The following GRID2 variants were observed in gnomAD, a reference collection of about 807,000 sequenced individuals.
GRID2 encodes glutamate receptor ionotropic, delta-2.
A neutral mutation model predicts 114.8 loss-of-function variants in GRID2; 33 were observed. The observed-to-expected ratio is 0.29, with a 90% CI of 0.22 to 0.38. GRID2 has a LOEUF of 0.38. Ranked by LOEUF, GRID2 falls within the 10% of genes least tolerant of loss-of-function variation. The pLI, the probability that GRID2 is intolerant of heterozygous loss-of-function variation, is 1.00. For synonymous variants in GRID2, 505 were observed against 449.9 expected, an observed-to-expected ratio of 1.12 and a Z score of -1.55; for missense variants, 1,184 against 1,257.7, an observed-to-expected ratio of 0.94 and a Z score of 0.89.
chr4:93,655,247 A>G (rs891114867), intron 14 of GRID2, among the ~76,000 whole-genome samples: 6 of 152,220 alleles, frequency 3.9e-5, no homozygotes, highest in African/African-American at 1.4e-4. Context: ...ATCAAAAGTA[A>G]ATTATAAAAT....
At chr4:93,667,780 A>C (rs1724075445) in intron 14 of GRID2, among the ~76,000 whole-genome samples, 1 of 152,068 alleles carries the variant, frequency 6.6e-6, no homozygotes, top group African/African-American at 2.4e-5. Context: ...AAAAGATGAG[A>C]TCAAGGAACT....
chr4:92,815,911 T>A, intron 2 of GRID2, among the ~76,000 whole-genome samples: 1 of 65,642 alleles, frequency 1.5e-5, no homozygotes, highest in Non-Finnish European at 2.5e-5. Context: ...CATGACCCTG[T>A]CTCAAAAAAA....
intron 2 of GRID2, among the ~76,000 whole-genome samples, chr4:92,706,030 G>A (rs2149305422): frequency 6.6e-6 from 1 of 152,288 alleles, no homozygotes; most frequent in East Asian, 1.9e-4. Flanking sequence ...TCATCAGCCT[G>A]CTGGCTTGCA....
chr4:93,374,588 T>G (rs1445913197), intron 8 of GRID2, among the ~76,000 whole-genome samples: 1 of 140,516 alleles, frequency 7.1e-6, no homozygotes, highest in Non-Finnish European at 1.5e-5. Flanking sequence ...AAGTATATAA[T>G]TTTAACAATT....
At chr4:92,796,097 C>T (rs550199433) in intron 2 of GRID2, among the ~76,000 whole-genome samples, 29 of 151,934 alleles carry the variant, frequency 1.9e-4, no homozygotes, top group Admixed American at 1.2e-3. Flanking sequence ...TAATCATTCC[C>T]GACTTCCATG....
chr4:93,450,851 T>G (rs1050751306), intron 10 of GRID2, among the ~76,000 whole-genome samples: 12 of 152,106 alleles, frequency 7.9e-5, no homozygotes, highest in African/African-American at 2.6e-4. Flanking sequence ...CCTAATTATC[T>G]TAGCTATTTG....
In GRID2 at chr4:93,341,552, G is replaced by A. The variant is rs114115205; in HGVS notation, c.1246-54055G>A. 5.0e-3 allele frequency among the ~76,000 whole-genome samples: 761 copies of A among 152,174 alleles called. 5 individuals carry two copies. The highest frequency in any genetic ancestry group is 0.017 in the African/African-American group (717 of 41,528). On this transcript the variant is annotated intron_variant, in intron 8 of 15. Coordinates refer to ENST00000282020, the MANE Select transcript of GRID2 (RefSeq NM_001510.4). ...TGGCCAGGGTGATCTCGAACTCCTG[G>A]CCTCAAGTGATCCACCCATTCTCAG...
At chr4:93,068,852 G>C (rs1728551797) in intron 2 of GRID2, among the ~76,000 whole-genome samples, 1 of 151,960 alleles carries the variant, frequency 6.6e-6, no homozygotes, top group Admixed American at 6.6e-5. Context: ...TTGGGTAATT[G>C]ATAGAGAAAA....
At chr4:93,555,219 T>C (rs1734197348) in intron 13 of GRID2, among the ~76,000 whole-genome samples, 1 of 152,124 alleles carries the variant, frequency 6.6e-6, no homozygotes, top group African/African-American at 2.4e-5. Context: ...AGGACTTTTT[T>C]TTCATACCCC....
chr4:92,801,057 C>A (rs1264091973), intron 2 of GRID2, among the ~76,000 whole-genome samples: 2 of 151,980 alleles, frequency 1.3e-5, no homozygotes, highest in Non-Finnish European at 2.9e-5. Context: ...TAGCACCTGG[C>A]TCATTGAGTA....
chr4:93,133,476 G>A (rs929905033), intron 4 of GRID2, among the ~76,000 whole-genome samples: 2 of 152,124 alleles, frequency 1.3e-5, no homozygotes, highest in African/African-American at 4.8e-5. Flanking sequence ...TTGGAAAGAT[G>A]AATCCTGTAA....
At chr4:92,726,725 C>T (rs1423160400) in intron 2 of GRID2, among the ~76,000 whole-genome samples, 5 of 152,020 alleles carry the variant, frequency 3.3e-5, no homozygotes, top group African/African-American at 4.8e-5. Context: ...GTTACTAAAG[C>T]AGTTAATCCA....
chr4:93,081,477 C>A (rs1729863227), intron 2 of GRID2, among the ~76,000 whole-genome samples: 1 of 152,010 alleles, frequency 6.6e-6, no homozygotes, highest in Non-Finnish European at 1.5e-5. Flanking sequence ...TGCAGAGTGA[C>A]CACAAAGGGC....
chr4:92,428,760 C>T (rs917934400), intron 1 of GRID2, among the ~76,000 whole-genome samples: 5 of 152,084 alleles, frequency 3.3e-5, no homozygotes, highest in African/African-American at 1.2e-4. Flanking sequence ...TTTATTATGC[C>T]ACTTCCATGA....
intron 8 of GRID2, among the ~76,000 whole-genome samples, chr4:93,357,191 C>T (rs1761419428): frequency 6.6e-6 from 1 of 151,412 alleles, no homozygotes; most frequent in South Asian, 2.1e-4. Flanking sequence ...CTTTTCTCAC[C>T]TATCAAACTA....
intron 1 of GRID2, among the ~76,000 whole-genome samples, chr4:93,790,072 C>G (rs1450563995): frequency 6.8e-6 from 1 of 146,806 alleles, no homozygotes; most frequent in Non-Finnish European, 1.5e-5. Context: ...CCATCCCCCT[C>G]CCCCCACTTC....
intron 8 of GRID2, among the ~76,000 whole-genome samples, chr4:93,322,792 G>T (rs1323458142): frequency 6.6e-6 from 1 of 152,058 alleles, no homozygotes; most frequent in African/African-American, 2.4e-5. Flanking sequence ...TTCTCTGATG[G>T]GCAGTGATGA....
intron 2 of GRID2, among the ~76,000 whole-genome samples, chr4:92,739,418 T>G (rs965058328): frequency 6.6e-6 from 1 of 152,152 alleles, no homozygotes; most frequent in Non-Finnish European, 1.5e-5. Context: ...TTTAAACATA[T>G]GAGTAACATT....
intron 11 of GRID2, among the ~76,000 whole-genome samples, chr4:93,470,177 A>G (rs747343565): frequency 3.2e-4 from 48 of 152,256 alleles, no homozygotes; most frequent in Middle Eastern, 3.4e-3. Context: ...ATAATAATGT[A>G]AGATATTGAA....
Sources: allele counts gnomAD v4.1 joint callset (sites outside exome capture counted in the v4.1 genomes callset), GRCh38; gene constraint gnomAD v4.1.1; transcripts MANE v1.5; gene names NCBI Gene and HGNC (gene_info 2026-07-23, HGNC 2026-07-21).